The following ZNF517 variants were observed in gnomAD, a reference collection of about 807,000 sequenced individuals.
The protein encoded by ZNF517 is zinc finger protein 517.
Under a neutral mutation model 12.1 loss-of-function variants are expected in ZNF517, and 12 were observed. That is an observed-to-expected ratio of 0.99 (90% CI 0.63 to 1.61). ZNF517 has a LOEUF of 1.61. ZNF517 is among the 40% of genes most tolerant of loss of function. The pLI, the probability that ZNF517 is intolerant of heterozygous loss-of-function variation, is 0.00. For synonymous variants in ZNF517, 388 were observed against 310.2 expected (o/e 1.25, Z -2.63); for missense variants, 781 against 693.2 (o/e 1.13, Z -1.42).
intron 2 of ZNF517, chr8:144,803,177 T>G: frequency 1.7e-6 from 1 of 574,584 alleles, no homozygotes; most frequent in East Asian, 2.9e-5. Context: ...CTCTGGCCCC[T>G]GAGCTTCTAT....
chr8:144,804,578 A>G (rs540882985), intron 4 of ZNF517, among the ~76,000 whole-genome samples: 1 of 152,174 alleles, frequency 6.6e-6, no homozygotes, highest in Non-Finnish European at 1.5e-5. Context: ...ATAGAAATAA[A>G]GACACAAGAC....
chr8:144,801,767 C>T (rs1426389108), intron 1 of ZNF517, among the ~76,000 whole-genome samples: 1 of 152,146 alleles, frequency 6.6e-6, no homozygotes, highest in African/African-American at 2.4e-5. Context: ...TGTGGTGGCT[C>T]ACACCTGTAA....
At chr8:144,802,332 ACAC>A (rs1011819334) in intron 1 of ZNF517, among the ~76,000 whole-genome samples, 3 of 152,172 alleles carry the variant, frequency 2.0e-5, no homozygotes, top group African/African-American at 7.2e-5. Context: ...AACCAAGATC[ACAC>A]CACCAACTCC....
chr8:144,807,964 G>A lies in ZNF517; in HGVS notation c.1048G>A (p.Gly350Arg). The A allele has an allele frequency of 6.6e-7, 1 of 1,507,376 alleles. No homozygotes were observed. The highest frequency in any genetic ancestry group is 8.9e-7 in the Non-Finnish European group (1 of 1,129,746). The allele number at this position is 1,507,376 out of a possible 1,614,324, so 93.4% of individuals were successfully genotyped here. ...GGAGGGTGCCCAGGACGGCGGCGTG[G>A]GGCAGGGCGCCCTGCTCGGAGCTGC... ...AQEGAQDGGV[G>R]QGALLGAAQR... is the part of the protein sequence containing the mutation. Residue 350 changes from glycine to arginine, a missense_variant, in exon 5 of 5, where the codon GGG becomes AGG. Physicochemically the swap from Gly to Arg is moderately radical, Grantham distance 125 (BLOSUM62 -2). Coordinates refer to ENST00000359971, the MANE Select transcript of ZNF517 (RefSeq NM_213605.3).
chr8:144,801,262 T>C (rs952754126), intron 1 of ZNF517, among the ~76,000 whole-genome samples: 5 of 152,134 alleles, frequency 3.3e-5, no homozygotes, highest in African/African-American at 1.2e-4. Context: ...AGAGCTCAAG[T>C]GTCTGTTGAA....
At chr8:144,807,013 G>A (rs180962866) in intron 4 of ZNF517, among the ~76,000 whole-genome samples, 178 bp from the exon 5 acceptor site, 54 of 152,254 alleles carry the variant, frequency 3.5e-4, no homozygotes, top group African/African-American at 1.3e-3. Context: ...CTGTCTCTGG[G>A]TTCAAGCAAT....
rs2130453642 is a variant in ZNF517 at position 144,807,575 on chromosome 8, T to A, written c.659T>A (p.Leu220Gln). ...CGKAFKQSSI[L>Q]LRHQLIHTEE... The stretch of plus-strand genomic sequence containing the variant: ...AAGGCCTTCAAGCAAAGCTCCATCC[T>A]GCTGCGGCACCAGCTGATCCACACT... Residue 220 changes from leucine (L) to glutamine (Q), a missense_variant, in exon 5 of 5, where the codon CTG (leucine) becomes CAG (glutamine). Coordinates refer to ENST00000359971, the MANE Select transcript of ZNF517 (RefSeq NM_213605.3). 1 of 1,602,560 alleles carries A rather than the reference T, an allele frequency of 6.2e-7. No individual in the cohort carries two copies. Among genetic ancestry groups the A allele is most frequent in the East Asian group, 2.3e-5 (1 of 44,022 alleles).
rs1193052545 is a variant in ZNF517 at position 144,799,863 on chromosome 8, C to A, written c.-46+926C>A. On this transcript the variant is annotated intron_variant, in intron 1 of 4. Coordinates refer to ENST00000359971, the MANE Select transcript of ZNF517 (RefSeq NM_213605.3). ...GCTGAGGCAGGAGAATGGCGTGAACCCGGGAGGCGGAGCTTGCAGTGAGCC... is the reference window on the plus strand; with the variant it reads ...GCTGAGGCAGGAGAATGGCGTGAACACGGGAGGCGGAGCTTGCAGTGAGCC... Among the ~76,000 whole-genome samples the A allele has an allele frequency of 2.0e-5, 3 of 152,220 alleles. 1 individual carries two copies. The highest frequency in any genetic ancestry group is 4.4e-5 in the Non-Finnish European group (3 of 68,030).
Position 144,807,908 on chromosome 8 carries a change from C to T in ZNF517, c.992C>T (p.Ser331Leu), listed in dbSNP as rs528594443. Residue 331 changes from serine (S) to leucine (L), a missense_variant, in exon 5 of 5, where the codon TCG becomes TTG. Coordinates refer to ENST00000359971, the MANE Select transcript of ZNF517 (RefSeq NM_213605.3). Reference protein sequence around the residue: ...RCGQRFIRGSSLLKHHRLHAQ... With the variant: ...RCGQRFIRGSLLLKHHRLHAQ... ...GGGCAGCGCTTCATCCGAGGGTCCT[C>T]GCTCCTGAAGCACCACCGGCTGCAC... 2.9e-5 allele frequency: 45 copies of T among 1,529,560 alleles called. No homozygotes were observed. The South Asian group carries it at 4.9e-4, about 17-fold the overall frequency. The allele number at this position is 1,529,560 out of a possible 1,614,324, so 94.7% of individuals were successfully genotyped here.
At chr8:144,806,794 G>C (rs944136445) in intron 4 of ZNF517, among the ~76,000 whole-genome samples, 10 of 152,072 alleles carry the variant, frequency 6.6e-5, no homozygotes, top group African/African-American at 2.4e-4. Context: ...CTGAAACCCT[G>C]ATTTTAAAAC....
chr8:144,800,255 G>A (rs1826892090), intron 1 of ZNF517, among the ~76,000 whole-genome samples: 1 of 152,166 alleles, frequency 6.6e-6, no homozygotes, highest in African/African-American at 2.4e-5. Flanking sequence ...AGCTTGATCT[G>A]TTGTCATCAT....
chr8:144,803,365 G>A, intron 2 of ZNF517: 1 of 492,698 alleles, frequency 2.0e-6, no homozygotes, highest in Non-Finnish European at 3.6e-6. Context: ...ATCCCTGATA[G>A]CCTGTGGAGA....
At chr8:144,799,050 AC>A (rs1333715636) in intron 1 of ZNF517, 113 bp downstream of exon 1, 1 of 151,970 alleles carries the variant, frequency 6.6e-6, no homozygotes. Flanking sequence ...CAGGGAGCGG[AC>A]CCGCAGCCGT....
At chr8:144,813,315 C>CAAAAA (rs55851018), downstream of ZNF517, among the ~76,000 whole-genome samples, 1 of 103,916 alleles carries the variant, frequency 9.6e-6, no homozygotes, top group Non-Finnish European at 1.9e-5. Context: ...GACTCTGTCT[C>CAAAAA]AAAAAAAAAA....
chr8:144,807,694 C>T lies in ZNF517; in HGVS notation c.778C>T (p.Pro260Ser), dbSNP rs1827323707. 1 of 1,611,038 alleles carries T rather than the reference C, an allele frequency of 6.2e-7. No homozygotes were observed. The highest frequency in any genetic ancestry group is 1.3e-5 in the African/African-American group (1 of 75,040). The change falls in exon 5 of 5, where the codon CCC becomes TCC. Residue 260 changes from proline (P) to serine (S), a missense_variant. Transcript: ENST00000359971. ...CCACCGCGTCCACACCCGCGAGCGGCCCTACGCATGCGGCGAGTGCGGCAA... is the reference window on the plus strand; with the variant it reads ...CCACCGCGTCCACACCCGCGAGCGGTCCTACGCATGCGGCGAGTGCGGCAA... ...AHHRVHTRERPYACGECGKAF... is the reference protein window; with the variant it reads ...AHHRVHTRERSYACGECGKAF...
intron 4 of ZNF517, among the ~76,000 whole-genome samples, chr8:144,805,632 AT>A (rs1165479482): frequency 3.8e-4 from 48 of 127,618 alleles, no homozygotes; most frequent in African/African-American, 3.8e-4. Flanking sequence ...CCTGGCCATT[AT>A]TTTTTTTTTT....
At chr8:144,813,281 A>G (rs1019416847), downstream of ZNF517, among the ~76,000 whole-genome samples, 1 of 146,534 alleles carries the variant, frequency 6.8e-6, no homozygotes, top group Admixed American at 7.1e-5. Context: ...GCACCATCGC[A>G]CTCCAGCCTG....
rs546657883 is a variant in ZNF517, at chr8:144,802,837, G to C, written c.-45-33G>C. ...GGGGGCTGGAGGGCCTTAGGCCTGG[G>C]CTCTTTCCACTCATGGCTCTATGTT... On this transcript the variant is annotated intron_variant, in intron 1 of 4. Coordinates refer to ENST00000359971, the MANE Select transcript of ZNF517 (RefSeq NM_213605.3). 7.4e-5 allele frequency: 120 copies of C among 1,611,076 alleles called. No individual in the cohort carries two copies. In the South Asian group the frequency reaches 1.3e-3, roughly 17 times the overall value.
At chr8:144,804,749 C>T (rs1284203502) in intron 4 of ZNF517, among the ~76,000 whole-genome samples, 1 of 152,182 alleles carries the variant, frequency 6.6e-6, no homozygotes. Flanking sequence ...TTGATAAGGT[C>T]ATGTGAGTCA....
Sources: allele counts gnomAD v4.1 joint callset (sites outside exome capture counted in the v4.1 genomes callset), GRCh38; gene constraint gnomAD v4.1.1; transcripts MANE v1.5; gene names NCBI Gene and HGNC (gene_info 2026-07-23, HGNC 2026-07-21).